AGMO: variants seen among roughly 807,000 people sequenced by gnomAD.
AGMO encodes alkylglycerol monooxygenase.
Under a neutral mutation model 60.2 loss-of-function variants are expected in AGMO, and 75 were observed. The ratio of observed to expected loss-of-function variants is 1.25; its 90% CI spans 1.03 to 1.51. The LOEUF (loss-of-function observed/expected upper bound fraction) is 1.51. Ranked by LOEUF, AGMO falls within the 40% of genes most tolerant of loss-of-function variation. AGMO has a pLI of 0.00. For synonymous variants in AGMO, 261 were observed against 177.1 expected, an observed-to-expected ratio of 1.47 and a Z score of -3.76; for missense variants, 763 against 525.5, an observed-to-expected ratio of 1.45 and a Z score of -4.42.
intron 12 of AGMO, among the ~76,000 whole-genome samples, chr7:15,296,242 T>G (rs533513298): frequency 6.6e-6 from 1 of 152,156 alleles, no homozygotes. Flanking sequence ...ATGTCAGAGA[T>G]AGAGGTCCAC....
chr7:15,546,467 G>T (rs893034492), intron 2 of AGMO, among the ~76,000 whole-genome samples: 1 of 152,204 alleles, frequency 6.6e-6, no homozygotes, highest in Admixed American at 6.5e-5. Context: ...TGCTGCAGTG[G>T]CCCTGAGCCT....
At chr7:15,352,934 C>G (rs1170666471) in intron 12 of AGMO, among the ~76,000 whole-genome samples, 1 of 151,998 alleles carries the variant, frequency 6.6e-6, no homozygotes, top group African/African-American at 2.4e-5. Context: ...TCATTTGGGG[C>G]ATATATTTCA....
At chr7:15,443,073 T>G (rs1011052484) in intron 3 of AGMO, among the ~76,000 whole-genome samples, 1 of 152,300 alleles carries the variant, frequency 6.6e-6, no homozygotes, top group Non-Finnish European at 1.5e-5. Context: ...GAGAGCTACT[T>G]CCACTCAATA....
At chr7:15,323,341 A>G (rs147075568) in intron 12 of AGMO, among the ~76,000 whole-genome samples, 125 of 152,258 alleles carry the variant, frequency 8.2e-4, no homozygotes, top group African/African-American at 2.5e-3. Flanking sequence ...TTGTTAATAC[A>G]TTGATATAAA....
intron 12 of AGMO, among the ~76,000 whole-genome samples, chr7:15,248,564 G>T (rs1782836923): frequency 6.6e-6 from 1 of 152,048 alleles, no homozygotes; most frequent in African/African-American, 2.4e-5. Flanking sequence ...CCTTTCAAAA[G>T]AAATTTCTAC....
chr7:15,211,512 G>T (rs1191100072), intron 12 of AGMO, among the ~76,000 whole-genome samples: 2 of 151,680 alleles, frequency 1.3e-5, no homozygotes, highest in African/African-American at 4.8e-5. Flanking sequence ...CATTTGTTTG[G>T]AGTATTTCTA....
At chr7:15,243,709 C>A (rs988896716) in intron 12 of AGMO, among the ~76,000 whole-genome samples, 1 of 152,160 alleles carries the variant, frequency 6.6e-6, no homozygotes, top group African/African-American at 2.4e-5. Context: ...AGTCATCAAA[C>A]CCCAGAAATA....
intron 3 of AGMO, among the ~76,000 whole-genome samples, chr7:15,463,136 G>A (rs369880599): frequency 6.6e-6 from 1 of 152,038 alleles, no homozygotes; most frequent in Non-Finnish European, 1.5e-5. Flanking sequence ...GCTTATTAAG[G>A]ATGTAATGAT....
intron 2 of AGMO, among the ~76,000 whole-genome samples, chr7:15,548,929 A>G (rs946174567): frequency 6.6e-6 from 1 of 150,832 alleles, no homozygotes; most frequent in Non-Finnish European, 1.5e-5. Flanking sequence ...AGGTCGGGTT[A>G]CCCTCAAAGG....
At chr7:15,505,427 A>G (rs958657749) in intron 3 of AGMO, among the ~76,000 whole-genome samples, 2 of 151,934 alleles carry the variant, frequency 1.3e-5, no homozygotes, top group Non-Finnish European at 2.9e-5. Context: ...ATTTAGAGAA[A>G]TCTGTGCGTA....
At chr7:15,338,951 C>T (rs1781747649) in intron 12 of AGMO, among the ~76,000 whole-genome samples, 1 of 152,166 alleles carries the variant, frequency 6.6e-6, no homozygotes, top group Non-Finnish European at 1.5e-5. Flanking sequence ...AGCCTCAATT[C>T]TCCAGATACA....
At chr7:15,419,183 T>G (rs2128494455) in intron 4 of AGMO, among the ~76,000 whole-genome samples, 1 of 151,978 alleles carries the variant, frequency 6.6e-6, no homozygotes, top group East Asian at 1.9e-4. Context: ...TCTTAATTTT[T>G]TCGAAGTTAT....
chr7:15,289,649 G>A (rs577637269), intron 12 of AGMO, among the ~76,000 whole-genome samples: 1 of 152,076 alleles, frequency 6.6e-6, no homozygotes, highest in East Asian at 1.9e-4. Flanking sequence ...GGAATATTCA[G>A]TACTAGCTTC....
chr7:15,334,835 A>G (rs1047926766), intron 12 of AGMO, among the ~76,000 whole-genome samples: 4 of 152,182 alleles, frequency 2.6e-5, no homozygotes, highest in Non-Finnish European at 5.9e-5. Flanking sequence ...CATGTGTGCT[A>G]TATTTTAAAC....
the AGMO span, among the ~76,000 whole-genome samples, chr7:15,129,817 G>A: frequency 6.6e-6 from 1 of 152,136 alleles, no homozygotes; most frequent in African/African-American, 2.4e-5. Context: ...GGCAGATCCT[G>A]CAAATATTCA....
chr7:15,242,210 T>G (rs1782610638), intron 12 of AGMO, among the ~76,000 whole-genome samples: 1 of 152,150 alleles, frequency 6.6e-6, no homozygotes, highest in Non-Finnish European at 1.5e-5. Flanking sequence ...TTCACAAATC[T>G]AAGTTTAGGG....
chr7:15,350,203 CAGAT>C (rs1372843554), intron 12 of AGMO, among the ~76,000 whole-genome samples: 4 of 152,126 alleles, frequency 2.6e-5, no homozygotes, highest in Admixed American at 6.6e-5. Flanking sequence ...AATCCAGTGT[CAGAT>C]AGTGTCATAG....
At chr7:15,205,689 A>G (rs1781421849) in intron 12 of AGMO, among the ~76,000 whole-genome samples, 1 of 152,104 alleles carries the variant, frequency 6.6e-6, no homozygotes, top group Non-Finnish European at 1.5e-5. Flanking sequence ...TTTACAACAA[A>G]TTGAAGGGTT....
chr7:15,268,469 A>G (rs2128512391), intron 12 of AGMO, among the ~76,000 whole-genome samples: 1 of 152,176 alleles, frequency 6.6e-6, no homozygotes. Flanking sequence ...AAAAAGAAAA[A>G]TGTATGCATG....
Sources: gnomAD v4.1 joint callset for allele counts (sites outside exome capture counted in the v4.1 genomes callset) on GRCh38, gnomAD v4.1.1 for gene constraint, MANE v1.5 for transcripts, NCBI Gene and HGNC (gene_info 2026-07-23, HGNC 2026-07-21) for gene names.